The following FMNL2 variants were observed in gnomAD, a reference collection of about 807,000 sequenced individuals.
FMNL2 encodes the protein formin-like protein 2.
A neutral mutation model predicts 130.2 loss-of-function variants in FMNL2; 51 were observed. The observed-to-expected ratio is 0.39, with a 90% CI of 0.31 to 0.49. The LOEUF (loss-of-function observed/expected upper bound fraction) is 0.49. Ranked by LOEUF, FMNL2 falls within the 20% of genes least tolerant of loss-of-function variation. The pLI is 0.85. For synonymous variants in FMNL2, 465 were observed against 467.1 expected (o/e 1.00, Z 0.06); for missense variants, 977 against 1,316.2 (o/e 0.74, Z 3.99).
chr2:152,627,334 ACTC>A (rs1213402311), intron 17 of FMNL2, among the ~76,000 whole-genome samples: 3 of 152,138 alleles, frequency 2.0e-5, no homozygotes, highest in Non-Finnish European at 2.9e-5. Context: ...CATTGGTTTT[ACTC>A]CTCTATTAGA....
At chr2:152,579,155 G>A (rs1696638902) in intron 8 of FMNL2, among the ~76,000 whole-genome samples, 191 bp downstream of exon 8, 2 of 152,170 alleles carry the variant, frequency 1.3e-5, no homozygotes, top group South Asian at 4.1e-4. Flanking sequence ...CCAGAGTTGA[G>A]CAACTGGTGA....
intron 15 of FMNL2, chr2:152,621,054 T>A (rs947597275): frequency 2.0e-6 from 2 of 985,278 alleles, no homozygotes; most frequent in African/African-American, 3.5e-5. Context: ...AGAAACCTCA[T>A]ATCAAGCCCC....
At chr2:152,619,763 T>G (rs756657834) in intron 15 of FMNL2, 45 bp downstream of exon 15, 1 of 1,579,370 alleles carries the variant, frequency 6.3e-7, no homozygotes, top group Admixed American at 1.8e-5. Flanking sequence ...TCAGAAATGC[T>G]GTCTTATCTC....
chr2:152,591,665 G>A (rs1358470228), intron 9 of FMNL2, among the ~76,000 whole-genome samples: 1 of 152,186 alleles, frequency 6.6e-6, no homozygotes, highest in East Asian at 1.9e-4. Flanking sequence ...AATTAGCCAG[G>A]CATGTTGGTG....
chr2:152,476,767 C>T (rs1690173145), intron 1 of FMNL2, among the ~76,000 whole-genome samples: 1 of 151,596 alleles, frequency 6.6e-6, no homozygotes, highest in Non-Finnish European at 1.5e-5. Flanking sequence ...GTGGGCGGAA[C>T]ACCTTGTGTA....
intron 1 of FMNL2, among the ~76,000 whole-genome samples, chr2:152,341,196 A>C (rs904104453): frequency 2.6e-5 from 4 of 152,066 alleles, no homozygotes; most frequent in Non-Finnish European, 5.9e-5. Flanking sequence ...GGGGTGGTGG[A>C]GTGTTGGCAC....
intron 1 of FMNL2, among the ~76,000 whole-genome samples, chr2:152,336,951 G>A (rs923148507): frequency 6.6e-6 from 1 of 152,202 alleles, no homozygotes; most frequent in African/African-American, 2.4e-5. Context: ...ATCAAAAATC[G>A]GTTTTCTGAG....
intron 1 of FMNL2, among the ~76,000 whole-genome samples, chr2:152,354,099 T>C (rs1028162149): frequency 2.6e-5 from 4 of 152,202 alleles, no homozygotes; most frequent in Admixed American, 6.5e-5. Flanking sequence ...TTTCAGGGCA[T>C]TGGGCTATTC....
chr2:152,505,737 G>T (rs1355097673), intron 1 of FMNL2, among the ~76,000 whole-genome samples: 1 of 152,170 alleles, frequency 6.6e-6, no homozygotes, highest in South Asian at 2.1e-4. Context: ...CCGTGTCTTC[G>T]AGTGTCTGAT....
At chr2:152,595,250 G>C (rs767853231) in intron 9 of FMNL2, among the ~76,000 whole-genome samples, 1 of 152,174 alleles carries the variant, frequency 6.6e-6, no homozygotes, top group Non-Finnish European at 1.5e-5. Context: ...TCAAGAACAT[G>C]TTTAGCACAT....
intron 13 of FMNL2, among the ~76,000 whole-genome samples, chr2:152,617,782 G>A (rs1699035299): frequency 6.6e-6 from 1 of 152,162 alleles, no homozygotes; most frequent in Non-Finnish European, 1.5e-5. Flanking sequence ...CCTGTGCTTG[G>A]AATTGTGCTG....
rs79245798 is a variant in FMNL2 at position 152,644,279 on chromosome 2, C to G, written c.3169+3365C>G. Among the ~76,000 whole-genome samples, 35 of 152,300 alleles carry G rather than the reference C, an allele frequency of 2.3e-4. No homozygotes were observed. In the East Asian group the frequency reaches 4.0e-3, roughly 18 times the overall value. On this transcript the variant is annotated intron_variant, in intron 25 of 25. Coordinates refer to ENST00000288670, the MANE Select transcript of FMNL2 (RefSeq NM_052905.4). ...TCTAAGTAGGTTTACAGATATTAAC[C>G]TAGCCCTTTTATCCTATACCCAGTT... is the stretch of plus-strand genomic sequence containing the variant.
chr2:152,638,924 C>T (rs1285502220), intron 23 of FMNL2, among the ~76,000 whole-genome samples: 1 of 152,170 alleles, frequency 6.6e-6, no homozygotes, highest in Non-Finnish European at 1.5e-5. Flanking sequence ...TGGGGTTTGT[C>T]TCAAAGCCTG....
At chr2:152,599,403 A>ACCT (rs1697931025) in intron 9 of FMNL2, among the ~76,000 whole-genome samples, 1 of 57,456 alleles carries the variant, frequency 1.7e-5, no homozygotes, top group African/African-American at 6.9e-5. Context: ...ATTGAAGGTC[A>ACCT]TCTTTTTTTT....
intron 9 of FMNL2, among the ~76,000 whole-genome samples, chr2:152,586,405 C>A (rs1697078072): frequency 6.6e-6 from 1 of 152,152 alleles, no homozygotes; most frequent in Non-Finnish European, 1.5e-5. Flanking sequence ...GAAAGCCTGT[C>A]AAGTTTTATT....
chr2:152,502,063 T>C (rs1246861947), intron 1 of FMNL2, among the ~76,000 whole-genome samples: 3 of 152,210 alleles, frequency 2.0e-5, no homozygotes. Context: ...TTTAACCCCT[T>C]GTTCTTCGTG....
chr2:152,601,573 T>C (rs1385371785), intron 9 of FMNL2, among the ~76,000 whole-genome samples: 1 of 148,718 alleles, frequency 6.7e-6, no homozygotes, highest in African/African-American at 2.5e-5. Context: ...AGTGCTGGGA[T>C]TACAGGCATG....
chr2:152,542,646 C>A, intron 2 of FMNL2, 93 bp from the exon 3 acceptor site: 1 of 1,200,424 alleles, frequency 8.3e-7, no homozygotes. Flanking sequence ...ACTGTGGATG[C>A]ATTTTGGTCA....
At chr2:152,363,355 C>T (rs542092715) in intron 1 of FMNL2, among the ~76,000 whole-genome samples, 1 of 152,224 alleles carries the variant, frequency 6.6e-6, no homozygotes, top group African/African-American at 2.4e-5. Context: ...AGTTTGTTTC[C>T]TGAAAATCTT....
Sources: gnomAD v4.1 joint callset for allele counts (sites outside exome capture counted in the v4.1 genomes callset) on GRCh38, gnomAD v4.1.1 for gene constraint, MANE v1.5 for transcripts, NCBI Gene and HGNC (gene_info 2026-07-23, HGNC 2026-07-21) for gene names.